Variants in LRRC4C observed in about 807,000 individuals in gnomAD.
LRRC4C encodes the protein leucine-rich repeat-containing protein 4C.
In LRRC4C, 5 loss-of-function variants were observed where a neutral mutation model predicts 33.6. The ratio of observed to expected loss-of-function variants is 0.15; its 90% CI spans 0.08 to 0.31. The LOEUF is 0.31. Ranked by LOEUF, LRRC4C falls within the 10% of genes least tolerant of loss-of-function variation. LRRC4C has a pLI of 1.00. For missense variants in LRRC4C, 560 were observed against 796.7 expected, an observed-to-expected ratio of 0.70 and a Z score of 3.58; for synonymous variants, 329 against 302.0, an observed-to-expected ratio of 1.09 and a Z score of -0.93.
intron 1 of LRRC4C, among the ~76,000 whole-genome samples, chr11:41,003,107 C>T: frequency 6.6e-6 from 1 of 151,860 alleles, no homozygotes. Context: ...GATTATTTTG[C>T]CAATGAAGTT....
At chr11:40,735,600 A>G in intron 2 of LRRC4C, among the ~76,000 whole-genome samples, 1 of 129,612 alleles carries the variant, frequency 7.7e-6, no homozygotes, top group Non-Finnish European at 1.7e-5. Context: ...GCTATTGTGA[A>G]TAGTGCCGCA....
At chr11:41,117,493 T>TTATTTATG (rs1321048981) in intron 1 of LRRC4C, among the ~76,000 whole-genome samples, 1 of 152,172 alleles carries the variant, frequency 6.6e-6, no homozygotes, top group Non-Finnish European at 1.5e-5. Flanking sequence ...CTATGCAATT[T>TTATTTATG]TATTTATGTA....
intron 2 of LRRC4C, among the ~76,000 whole-genome samples, chr11:40,736,602 A>G (rs1947879729): frequency 6.6e-6 from 1 of 152,134 alleles, no homozygotes; most frequent in Admixed American, 6.5e-5. Context: ...ATCTTCCACA[A>G]TGGTTGAATT....
At chr11:40,925,945 ATGT>A (rs1306044788) in intron 2 of LRRC4C, among the ~76,000 whole-genome samples, 2 of 152,154 alleles carry the variant, frequency 1.3e-5, no homozygotes, top group Non-Finnish European at 2.9e-5. Flanking sequence ...ATGGTCAATA[ATGT>A]TGTTTCTGCT....
At chr11:41,005,954 C>T (rs1267484814) in intron 1 of LRRC4C, among the ~76,000 whole-genome samples, 1 of 152,010 alleles carries the variant, frequency 6.6e-6, no homozygotes, top group African/African-American at 2.4e-5. Context: ...AATTTCCTCC[C>T]TCCCTCCCTT....
intron 2 of LRRC4C, among the ~76,000 whole-genome samples, chr11:40,859,330 A>G (rs1953959918): frequency 6.6e-6 from 1 of 152,186 alleles, no homozygotes; most frequent in Non-Finnish European, 1.5e-5. Context: ...AAGGAGTCAT[A>G]GAAAGTCCGT....
intron 2 of LRRC4C, among the ~76,000 whole-genome samples, chr11:40,707,177 C>G (rs937211876): frequency 6.6e-6 from 1 of 152,192 alleles, no homozygotes; most frequent in Non-Finnish European, 1.5e-5. Context: ...TTGACTTCCT[C>G]TTTTCCTAAT....
intron 5 of LRRC4C, among the ~76,000 whole-genome samples, chr11:40,236,535 C>T (rs535280140): frequency 2.5e-4 from 38 of 152,262 alleles, no homozygotes; most frequent in African/African-American, 9.1e-4. Flanking sequence ...ACCACCTTCA[C>T]AGTTAGGTGG....
chr11:40,993,654 CT>C (rs956126170), intron 1 of LRRC4C, among the ~76,000 whole-genome samples: 5 of 151,276 alleles, frequency 3.3e-5, no homozygotes, highest in African/African-American at 1.2e-4. Flanking sequence ...TTATTCCCAT[CT>C]TTTTTTTTCC....
rs186115323 is a variant in LRRC4C, at chr11:40,718,318, T to C, written c.-406-70040A>G. The stretch of plus-strand genomic sequence containing the variant: ...AGGGATACAGCTAAACATTTTACAA[T>C]GCATAGGACAGCCTTCCAAAACAAA... On this transcript the variant is annotated intron_variant, in intron 2 of 6. Coordinates refer to ENST00000528697, the MANE Select transcript of LRRC4C (RefSeq NM_001258419.2). 3.3e-5 allele frequency among the ~76,000 whole-genome samples: 5 copies of C among 152,244 alleles called. No homozygotes were observed. The East Asian group carries it at 9.7e-4, about 29-fold the overall frequency.
chr11:40,644,407 ATTGT>A (rs1241566386), intron 3 of LRRC4C, among the ~76,000 whole-genome samples: 25 of 152,196 alleles, frequency 1.6e-4, no homozygotes, highest in Non-Finnish European at 1.5e-5. Context: ...CAACCCAGCA[ATTGT>A]TTGTCTGGCC....
chr11:40,582,377 T>C (rs1398102586), intron 3 of LRRC4C, among the ~76,000 whole-genome samples: 2 of 152,106 alleles, frequency 1.3e-5, no homozygotes, highest in African/African-American at 4.8e-5. Flanking sequence ...TTAAATTTTA[T>C]CAGAATAAAA....
At chr11:40,745,550 G>A (rs935333680) in intron 2 of LRRC4C, among the ~76,000 whole-genome samples, 6 of 152,072 alleles carry the variant, frequency 3.9e-5, no homozygotes, top group Non-Finnish European at 7.4e-5. Context: ...TTCTGGGTGG[G>A]ACATATGGCA....
At chr11:40,639,272 AC>A (rs918205527) in intron 3 of LRRC4C, among the ~76,000 whole-genome samples, 2 of 152,164 alleles carry the variant, frequency 1.3e-5, no homozygotes, top group African/African-American at 4.8e-5. Context: ...GGCAAGTCAG[AC>A]TTTTACCAGT....
At chr11:40,610,416 C>T (rs527631585) in intron 3 of LRRC4C, among the ~76,000 whole-genome samples, 4 of 151,800 alleles carry the variant, frequency 2.6e-5, no homozygotes, top group Admixed American at 6.6e-5. Context: ...ACCTCATACT[C>T]AATAGTATGA....
chr11:41,171,105 C>T (rs1420159131), intron 1 of LRRC4C, among the ~76,000 whole-genome samples: 1 of 151,984 alleles, frequency 6.6e-6, no homozygotes, highest in African/African-American at 2.4e-5. Context: ...CAGGAAACAA[C>T]AGGTGCTGGA....
chr11:40,693,701 A>G (rs562698905), intron 2 of LRRC4C, among the ~76,000 whole-genome samples: 1 of 152,250 alleles, frequency 6.6e-6, no homozygotes, highest in Admixed American at 6.5e-5. Flanking sequence ...AGCAAGAGGC[A>G]CAGCAAAAGA....
chr11:40,922,613 G>A (rs190046132), intron 2 of LRRC4C, among the ~76,000 whole-genome samples: 42 of 152,176 alleles, frequency 2.8e-4, no homozygotes, highest in Admixed American at 9.2e-4. Flanking sequence ...ACTCCCTTCT[G>A]ACTAGTTTTC....
chr11:40,172,627 C>G (rs1860140127), intron 5 of LRRC4C, among the ~76,000 whole-genome samples: 1 of 151,932 alleles, frequency 6.6e-6, no homozygotes, highest in South Asian at 2.1e-4. Context: ...GCTTGAAACT[C>G]CCTTTCCTTC....
Sources: allele counts gnomAD v4.1 joint callset (sites outside exome capture counted in the v4.1 genomes callset), GRCh38; gene constraint gnomAD v4.1.1; transcripts MANE v1.5; gene names NCBI Gene and HGNC (gene_info 2026-07-23, HGNC 2026-07-21).